The following FMN1 variants were observed in gnomAD, a reference collection of about 807,000 sequenced individuals.
FMN1 encodes formin 1.
A neutral mutation model predicts 132.4 loss-of-function variants in FMN1; 110 were observed. That is an observed-to-expected ratio of 0.83 (90% CI 0.71 to 0.97). The LOEUF is 0.97. Among genes scored for constraint, FMN1 ranks in the 50% least tolerant of loss-of-function variants. The probability of loss-of-function intolerance (pLI) is 0.00; values close to 1 mark genes in which losing one functional copy is unlikely to be tolerated. For missense variants in FMN1, 1,792 were observed against 1,705.3 expected (o/e 1.05, Z -0.90); for synonymous variants, 722 against 651.7 (o/e 1.11, Z -1.64).
chr15:33,084,629 T>TTTTG (rs147141119), intron 5 of FMN1, among the ~76,000 whole-genome samples: 3 of 151,728 alleles, frequency 2.0e-5, no homozygotes, highest in East Asian at 1.9e-4. Flanking sequence ...GTAAAGGAGG[T>TTTTG]TTTGTTTGTT....
intron 17 of FMN1, among the ~76,000 whole-genome samples, chr15:32,806,798 G>T (rs1333441798): frequency 2.6e-5 from 4 of 152,154 alleles, no homozygotes; most frequent in Non-Finnish European, 4.4e-5. Flanking sequence ...CTGCATTGAG[G>T]TCTCAGCAGA....
intron 19 of FMN1, among the ~76,000 whole-genome samples, chr15:32,785,218 A>ATATATTTTTTTTTTTTTT (rs1444523400): frequency 3.3e-4 from 13 of 39,198 alleles, no homozygotes; most frequent in African/African-American, 6.0e-4. Context: ...ATATATATAT[A>ATATATTTTTTTTTTTTTT]TTTTTTTTTT....
intron 17 of FMN1, among the ~76,000 whole-genome samples, chr15:32,855,888 G>A (rs1156481913): frequency 1.3e-5 from 2 of 152,140 alleles, no homozygotes; most frequent in African/African-American, 4.8e-5. Flanking sequence ...TAGTCACATA[G>A]CACACAAGTA....
At position 32,964,386 on chromosome 15, in the gene FMN1, T is replaced by C; in HGVS notation, c.2988-129A>G. ...AAAACACATAAAACTCTAATAATGC[T>C]TGGAGAAAAGCTTTTTATGTTACGC... On this transcript the variant is annotated intron_variant, in intron 8 of 20. Transcript: ENST00000616417. 4.4e-6 allele frequency: 3 copies of C among 678,542 alleles called. 1 individual carries two copies. The highest frequency in any genetic ancestry group is 2.4e-6 in the Non-Finnish European group (1 of 413,042). The allele number at this position is 678,542 out of a possible 1,614,324, so 42.0% of individuals were successfully genotyped here. A position where few individuals can be genotyped will look rare whatever the true frequency, so the allele number is the denominator to read the frequency against.
intron 7 of FMN1, among the ~76,000 whole-genome samples, chr15:32,997,899 A>T (rs1021896905): frequency 6.6e-6 from 1 of 152,234 alleles, no homozygotes; most frequent in East Asian, 1.9e-4. Flanking sequence ...ACACAAATGT[A>T]AATGTCCATA....
intron 7 of FMN1, among the ~76,000 whole-genome samples, chr15:32,979,155 T>C (rs763703310): frequency 2.0e-5 from 3 of 152,164 alleles, no homozygotes; most frequent in Non-Finnish European, 2.9e-5. Flanking sequence ...TGTATAAACC[T>C]GGTAGAATGC....
At chr15:33,176,893 G>A (rs1965533588) in intron 3 of FMN1, among the ~76,000 whole-genome samples, 1 of 152,160 alleles carries the variant, frequency 6.6e-6, no homozygotes, top group South Asian at 2.1e-4. Flanking sequence ...GCTTCTACCT[G>A]CAGCTAAGAC....
intron 4 of FMN1, among the ~76,000 whole-genome samples, chr15:33,114,106 G>C (rs559728361): frequency 1.3e-5 from 2 of 152,294 alleles, no homozygotes; most frequent in South Asian, 4.1e-4. Context: ...TGTCAGCCCG[G>C]TTTCCCTCTG....
At chr15:32,892,197 A>G (rs2060048138) in intron 15 of FMN1, among the ~76,000 whole-genome samples, 1 of 152,186 alleles carries the variant, frequency 6.6e-6, no homozygotes, top group Non-Finnish European at 1.5e-5. Context: ...GGGGTTTGTC[A>G]TAGATGGCTT....
chr15:33,043,236 C>CGCA (rs2141130379), intron 6 of FMN1, among the ~76,000 whole-genome samples: 1 of 152,326 alleles, frequency 6.6e-6, no homozygotes, highest in East Asian at 1.9e-4. Context: ...CTAAAGCTGC[C>CGCA]TCCTCCTTAC....
chr15:33,057,047 A>G (rs2037248883), intron 6 of FMN1, among the ~76,000 whole-genome samples: 1 of 152,140 alleles, frequency 6.6e-6, no homozygotes, highest in African/African-American at 2.4e-5. Context: ...GCACGGTGGC[A>G]CACACTTGTA....
intron 9 of FMN1, among the ~76,000 whole-genome samples, chr15:32,937,139 C>T (rs1161815346): frequency 6.6e-6 from 1 of 152,128 alleles, no homozygotes; most frequent in Non-Finnish European, 1.5e-5. Context: ...GGGGCAATTG[C>T]ACTGAATGCA....
At chr15:32,846,128 A>C (rs1020762571) in intron 17 of FMN1, among the ~76,000 whole-genome samples, 2 of 152,356 alleles carry the variant, frequency 1.3e-5, no homozygotes, top group Non-Finnish European at 2.9e-5. Flanking sequence ...ATCGTTAATA[A>C]GACTGTATTG....
At chr15:32,814,388 C>T (rs1489435473) in intron 17 of FMN1, among the ~76,000 whole-genome samples, 1 of 152,132 alleles carries the variant, frequency 6.6e-6, no homozygotes, top group Non-Finnish European at 1.5e-5. Flanking sequence ...CTTGTAATGT[C>T]TACCTTGTCT....
At chr15:33,185,902 G>T (rs908319976) in intron 2 of FMN1, among the ~76,000 whole-genome samples, 1 of 152,090 alleles carries the variant, frequency 6.6e-6, no homozygotes, top group Non-Finnish European at 1.5e-5. Flanking sequence ...TTATATTCAT[G>T]AAATGCTTTC....
intron 7 of FMN1, among the ~76,000 whole-genome samples, chr15:32,989,724 G>A (rs1002972151): frequency 2.0e-5 from 3 of 152,132 alleles, no homozygotes; most frequent in African/African-American, 7.2e-5. Flanking sequence ...CGCAAGCTAT[G>A]CTCAAGGCCT....
At chr15:33,048,190 G>A (rs935563739) in intron 6 of FMN1, among the ~76,000 whole-genome samples, 2 of 152,110 alleles carry the variant, frequency 1.3e-5, no homozygotes, top group Admixed American at 6.6e-5. Flanking sequence ...AATGCTTTAA[G>A]GTCATAAACT....
intron 6 of FMN1, among the ~76,000 whole-genome samples, chr15:33,043,338 A>T (rs2036528331): frequency 6.6e-6 from 1 of 152,228 alleles, no homozygotes; most frequent in South Asian, 2.1e-4. Flanking sequence ...CCAATCACTG[A>T]ATTTTGGCCA....
In FMN1 at chr15:32,977,778, T is replaced by C. The variant is rs182764996; in HGVS notation, c.2224-8301A>G. 9.9e-5 allele frequency among the ~76,000 whole-genome samples: 15 copies of C among 152,226 alleles called. No homozygotes were observed. The East Asian group carries it at 2.3e-3, about 24-fold the overall frequency. ...ATAAACAGATAGTCCCAAGCCTCAT[T>C]ATGAATGCAAATGTTCACACAAAAT... On this transcript the variant is annotated intron_variant, in intron 7 of 20. Coordinates refer to ENST00000616417, the MANE Select transcript of FMN1 (RefSeq NM_001277313.2).
Sources: allele counts gnomAD v4.1 joint callset (sites outside exome capture counted in the v4.1 genomes callset), GRCh38; gene constraint gnomAD v4.1.1; transcripts MANE v1.5; gene names NCBI Gene and HGNC (gene_info 2026-07-23, HGNC 2026-07-21).